The following SLC39A11 variants were observed in gnomAD, a reference collection of about 807,000 sequenced individuals.
The protein encoded by SLC39A11 is zinc transporter ZIP11.
SLC39A11 carries 33 observed loss-of-function variants against 36.1 expected under a neutral mutation model. The observed-to-expected ratio is 0.91, with a 90% confidence interval of 0.69 to 1.22. The LOEUF is 1.22. Ranked by LOEUF, SLC39A11 falls within the 50% of genes most tolerant of loss-of-function variation. The pLI, the probability that SLC39A11 is intolerant of heterozygous loss-of-function variation, is 0.00. For synonymous variants in SLC39A11, 166 were observed against 170.3 expected, an observed-to-expected ratio of 0.97 and a Z score of 0.20; for missense variants, 432 against 430.3, an observed-to-expected ratio of 1.00 and a Z score of -0.03.
chr17:73,049,741 G>A (rs1032039036), intron 3 of SLC39A11, among the ~76,000 whole-genome samples: 1 of 152,150 alleles, frequency 6.6e-6, no homozygotes, highest in Non-Finnish European at 1.5e-5. Context: ...CGCCTGAGAG[G>A]GGCTTCCACT....
intron 5 of SLC39A11, among the ~76,000 whole-genome samples, chr17:72,885,761 G>A (rs2081409854): frequency 6.6e-6 from 1 of 152,024 alleles, no homozygotes; most frequent in Non-Finnish European, 1.5e-5. Flanking sequence ...CCCTCATCAA[G>A]CAGTGGCCCT....
chr17:72,923,041 T>C (rs961392633), intron 5 of SLC39A11, among the ~76,000 whole-genome samples: 6 of 151,206 alleles, frequency 4.0e-5, no homozygotes, highest in African/African-American at 1.5e-4. Flanking sequence ...CAATTTTGCT[T>C]TGTATGGTGA....
At chr17:72,847,408 A>T (rs5011609) in intron 6 of SLC39A11, among the ~76,000 whole-genome samples, 111,645 of 140,144 alleles carry the variant, frequency 0.8, 44,949 homozygotes, top group East Asian at 0.95. Context: ...TCTCATAAAA[A>T]AAAAAAAAAA....
intron 7 of SLC39A11, among the ~76,000 whole-genome samples, chr17:72,692,501 G>A (rs987339295): frequency 2.6e-5 from 4 of 152,092 alleles, no homozygotes; most frequent in Non-Finnish European, 4.4e-5. Flanking sequence ...CTTACATGGT[G>A]GCAGCAAGAG....
intron 4 of SLC39A11, among the ~76,000 whole-genome samples, chr17:73,019,275 T>C (rs976251771): frequency 1.1e-4 from 16 of 152,154 alleles, no homozygotes; most frequent in Admixed American, 5.2e-4. Context: ...TGAAAGTACA[T>C]GGAAAAGTCA....
chr17:72,699,761 C>T (rs1311102990), intron 7 of SLC39A11, among the ~76,000 whole-genome samples: 1 of 152,178 alleles, frequency 6.6e-6, no homozygotes, highest in Admixed American at 6.5e-5. Flanking sequence ...CAGCCAGGGA[C>T]CAGGGGACAA....
At chr17:72,905,168 A>G (rs2082587900) in intron 5 of SLC39A11, among the ~76,000 whole-genome samples, 1 of 113,392 alleles carries the variant, frequency 8.8e-6, no homozygotes, top group Non-Finnish European at 1.8e-5. Context: ...GCGAGACTCC[A>G]TCTCAAAAAA....
intron 3 of SLC39A11, among the ~76,000 whole-genome samples, chr17:73,060,210 C>CAAAAAAAAAAAA (rs33931672): frequency 5.7e-5 from 4 of 70,344 alleles, no homozygotes; most frequent in Non-Finnish European, 7.9e-5. Context: ...AACTCCATCT[C>CAAAAAAAAAAAA]AAAAAAAAAA....
intron 1 of SLC39A11, among the ~76,000 whole-genome samples, chr17:73,089,951 A>G (rs986008253): frequency 6.6e-6 from 1 of 152,202 alleles, no homozygotes; most frequent in Non-Finnish European, 1.5e-5. Flanking sequence ...AAGGCAGAGA[A>G]ACCCATTTGT....
chr17:72,944,865 C>G (rs2085333188), intron 5 of SLC39A11, among the ~76,000 whole-genome samples: 1 of 152,062 alleles, frequency 6.6e-6, no homozygotes, highest in Non-Finnish European at 1.5e-5. Flanking sequence ...ACATATGATA[C>G]AGAACAATGG....
chr17:72,719,356 G>A (rs1274295388), intron 7 of SLC39A11, among the ~76,000 whole-genome samples: 1 of 152,202 alleles, frequency 6.6e-6, no homozygotes, highest in Non-Finnish European at 1.5e-5. Context: ...CGAGGACTGA[G>A]CAATGCATGT....
At chr17:72,838,136 T>A in intron 6 of SLC39A11, 1 of 426,970 alleles carries the variant, frequency 2.3e-6, no homozygotes, top group Non-Finnish European at 4.0e-6. Context: ...AGAAAAAAAT[T>A]AAAATTAAAA....
intron 5 of SLC39A11, among the ~76,000 whole-genome samples, chr17:72,910,879 A>G (rs1018050474): frequency 2.7e-4 from 40 of 150,424 alleles, no homozygotes; most frequent in African/African-American, 9.5e-4. Flanking sequence ...GTGAGCCAAG[A>G]TCACACCACT....
At chr17:72,707,331 G>C (rs1444360391) in intron 7 of SLC39A11, among the ~76,000 whole-genome samples, 1 of 152,168 alleles carries the variant, frequency 6.6e-6, no homozygotes, top group African/African-American at 2.4e-5. Flanking sequence ...ATGAGCCCAG[G>C]AGTTGGCAGT....
intron 4 of SLC39A11, among the ~76,000 whole-genome samples, chr17:73,000,159 GATGCACCGGGATAGTCAGACT>G (rs1178096154): frequency 6.6e-6 from 1 of 152,136 alleles, no homozygotes; most frequent in African/African-American, 2.4e-5. Flanking sequence ...CTGCCTACCA[GATGCACCGGGATAGTCAGACT>G]ATCTCAGAAG....
At chr17:72,786,980 C>T (rs1256594424) in intron 6 of SLC39A11, among the ~76,000 whole-genome samples, 2 of 152,036 alleles carry the variant, frequency 1.3e-5, no homozygotes, top group Non-Finnish European at 2.9e-5. Context: ...CTGCCACGCC[C>T]AGCTAATTTT....
chr17:73,061,739 A>C (rs1317922877), intron 3 of SLC39A11, among the ~76,000 whole-genome samples: 1 of 152,210 alleles, frequency 6.6e-6, no homozygotes, highest in East Asian at 1.9e-4. Flanking sequence ...TCATGCCTAC[A>C]ATCTCAGCAC....
At chr17:72,707,017 T>C (rs554984278) in intron 7 of SLC39A11, among the ~76,000 whole-genome samples, 1 of 152,334 alleles carries the variant, frequency 6.6e-6, no homozygotes, top group Admixed American at 6.5e-5. Context: ...TGAAATATGG[T>C]GAATCCAAAT....
At chr17:73,074,284 A>C (rs1418173304) in intron 3 of SLC39A11, among the ~76,000 whole-genome samples, 1 of 149,072 alleles carries the variant, frequency 6.7e-6, no homozygotes. Flanking sequence ...CCCTGACTTC[A>C]TGCTACAATT....
Sources: gnomAD v4.1 joint callset for allele counts (sites outside exome capture counted in the v4.1 genomes callset) on GRCh38, gnomAD v4.1.1 for gene constraint, MANE v1.5 for transcripts, NCBI Gene and HGNC (gene_info 2026-07-23, HGNC 2026-07-21) for gene names.